The following SMARCA2 variants were observed in gnomAD, a reference collection of about 807,000 sequenced individuals.
The protein encoded by SMARCA2 is SWI/SNF related BAF chromatin remodeling complex subunit ATPase 2.
A neutral mutation model predicts 199.8 loss-of-function variants in SMARCA2; 61 were observed. That is an observed-to-expected ratio of 0.31 (90% confidence interval 0.25 to 0.38). The LOEUF (loss-of-function observed/expected upper bound fraction) is 0.38, where lower values mean the gene tolerates loss of function less well. SMARCA2 is among the 10% of genes least tolerant of loss of function. SMARCA2 has a pLI of 1.00. For synonymous variants in SMARCA2, 935 were observed against 732.0 expected, an observed-to-expected ratio of 1.28 and a Z score of -4.48; for missense variants, 1,344 against 2,012.2, an observed-to-expected ratio of 0.67 and a Z score of 6.35.
At chr9:2,085,817 T>C (rs1417897169) in intron 17 of SMARCA2, 3 of 152,272 alleles carry the variant, frequency 2.0e-5, no homozygotes, top group Non-Finnish European at 4.4e-5. Flanking sequence ...TCTGGGGACA[T>C]CTGAGCACCA....
chr9:2,161,570 G>T lies in SMARCA2; in HGVS notation c.3982-116G>T, dbSNP rs1825676204. 14 of 693,678 alleles carry T rather than the reference G, an allele frequency of 2.0e-5. No homozygotes were observed. The highest frequency in any genetic ancestry group is 2.7e-5 in the East Asian group (1 of 36,604). The allele number at this position is 693,678 out of a possible 1,614,324, so 43.0% of individuals were successfully genotyped here. A position where few individuals can be genotyped will look rare whatever the true frequency, so the allele number is the denominator to read the frequency against. ...TTACTGTTAACTTTTACTTTTTTTT[G>T]GTTAATTTCTTTCATTTTATTCTAA... On this transcript the variant is annotated intron_variant, in intron 27 of 33. Coordinates refer to ENST00000349721, the MANE Select transcript of SMARCA2 (RefSeq NM_003070.5). This position sits in a 1 kb window ranked among gnomAD's most constrained non-coding sequence, Gnocchi z 4.7.
chr9:2,140,177 T>A (rs1824396331), intron 27 of SMARCA2, among the ~76,000 whole-genome samples: 1 of 152,242 alleles, frequency 6.6e-6, no homozygotes, highest in African/African-American at 2.4e-5. Flanking sequence ...TCTGGTCCCA[T>A]TTTAAATCCC....
chr9:2,083,753 G>A (rs919313328), intron 16 of SMARCA2, among the ~76,000 whole-genome samples: 8 of 152,230 alleles, frequency 5.3e-5, no homozygotes, highest in Non-Finnish European at 7.3e-5. Context: ...GCAATTACCC[G>A]GATGCCCGGG....
At position 2,072,784 on chromosome 9, in the gene SMARCA2, G is replaced by C. The variant is rs79660672; in HGVS notation, c.1747-428G>C. Reference sequence around the variant, plus strand: ...GGGTTTCTGAAGAACCTGACTCAGGGCTATCCCCAATATTATGCTCTACAA... The same window carrying C: ...GGGTTTCTGAAGAACCTGACTCAGGCCTATCCCCAATATTATGCTCTACAA... On this transcript the variant is annotated intron_variant, in intron 10 of 33. Transcript: ENST00000349721. Among the ~76,000 whole-genome samples the C allele has an allele frequency of 7.2e-3, 1,093 of 152,328 alleles. 14 individuals carry two copies. Among genetic ancestry groups the C allele is most frequent in the African/African-American group, 0.025 (1,036 of 41,574 alleles).
At chr9:2,124,337 T>G (rs752755055) in intron 27 of SMARCA2, among the ~76,000 whole-genome samples, 8 of 152,190 alleles carry the variant, frequency 5.3e-5, no homozygotes, top group Non-Finnish European at 1.2e-4. Flanking sequence ...TCCCCCTCAT[T>G]TCATGGTCTT....
chr9:2,076,788 C>T (rs891668956), intron 13 of SMARCA2, among the ~76,000 whole-genome samples: 1 of 152,062 alleles, frequency 6.6e-6, no homozygotes, highest in South Asian at 2.1e-4. Flanking sequence ...CCAAGTTGAC[C>T]ACCAACTCTC....
In SMARCA2 at chr9:2,192,931, GTA is replaced by G. The variant is rs1827992571; in HGVS notation, c.*193_*194del. The G allele has an allele frequency of 3.7e-6, 2 of 536,260 alleles. No homozygotes were observed. The highest frequency in any genetic ancestry group is 3.6e-5 in the Admixed American group (1 of 27,652). 33.2% of individuals were successfully genotyped at this position (536,260 alleles called of 1,614,324 possible). A position where few individuals can be genotyped will look rare whatever the true frequency, so the allele number is the denominator to read the frequency against. On this transcript the variant is annotated 3_prime_UTR_variant, in exon 34 of 34. Transcript: ENST00000349721. ...AAAACACACACATACACAAATATTTGTAACATATTGTGACCAAATGGGCCTCA... is the reference window on the plus strand; with the variant it reads ...AAAACACACACATACACAAATATTTGACATATTGTGACCAAATGGGCCTCA...
chr9:2,083,281 A>G, intron 15 of SMARCA2, 66 bp from the exon 16 acceptor site: 1 of 1,053,070 alleles, frequency 9.5e-7, no homozygotes, highest in Non-Finnish European at 1.4e-6. Context: ...GAATAAGAAC[A>G]TCTTTTTAAC....
intron 27 of SMARCA2, among the ~76,000 whole-genome samples, chr9:2,133,769 G>GGT (rs1824068852): frequency 6.6e-6 from 1 of 152,116 alleles, no homozygotes; most frequent in African/African-American, 2.4e-5. Flanking sequence ...GACAGGGCAG[G>GGT]GTGGCCTCAT....
chr9:2,047,910 GGGTATACC>G (rs1436557050), intron 5 of SMARCA2: 8 of 152,508 alleles, frequency 5.2e-5, no homozygotes, highest in African/African-American at 1.9e-4. Context: ...CCAGCCTTAT[GGGTATACC>G]CTGTGCGAGT....
chr9:2,176,057 T>C (rs1230724338), intron 29 of SMARCA2, among the ~76,000 whole-genome samples: 1 of 152,012 alleles, frequency 6.6e-6, no homozygotes, highest in Non-Finnish European at 1.5e-5. Context: ...ATTTTTTTAT[T>C]TTTGGTAAAG....
At chr9:2,080,517 T>C (rs1289623974) in intron 14 of SMARCA2, among the ~76,000 whole-genome samples, 1 of 152,248 alleles carries the variant, frequency 6.6e-6, no homozygotes, top group Non-Finnish European at 1.5e-5. Context: ...TTTCTAAAGC[T>C]CTAGTGGTTT....
intron 31 of SMARCA2, 42 bp from the exon 32 acceptor site, chr9:2,186,054 A>C (rs1237405263): frequency 6.3e-7 from 1 of 1,598,554 alleles, no homozygotes; most frequent in East Asian, 2.2e-5. Context: ...TGCCATGGTA[A>C]CTCAGCTTGC....
chr9:2,072,134 C>T (rs1318414911), intron 10 of SMARCA2: 1 of 152,178 alleles, frequency 6.6e-6, no homozygotes, highest in Non-Finnish European at 1.5e-5. Flanking sequence ...TAAACGATAG[C>T]ATACTGTAGG....
intron 31 of SMARCA2, among the ~76,000 whole-genome samples, chr9:2,183,697 T>C (rs1827220128): frequency 6.6e-6 from 1 of 152,186 alleles, no homozygotes; most frequent in South Asian, 2.1e-4. Flanking sequence ...AAGTTAATAG[T>C]AGTAGTATCT....
intron 27 of SMARCA2, among the ~76,000 whole-genome samples, chr9:2,144,732 C>T (rs1490042125): frequency 6.6e-6 from 1 of 152,148 alleles, no homozygotes; most frequent in African/African-American, 2.4e-5. Flanking sequence ...ATGTCCCCTC[C>T]AGGGGGGCAG....
Position 2,054,627 on chromosome 9 carries a change from A to G in SMARCA2, c.1077A>G (p.Gln359=), listed in dbSNP as rs765208658. The G allele has an allele frequency of 6.2e-7, 1 of 1,614,130 alleles. No individual in the cohort carries two copies. Among genetic ancestry groups the G allele is most frequent in the Non-Finnish European group, 8.5e-7 (1 of 1,179,984 alleles). Residue 359 remains glutamine, a synonymous_variant, in exon 6 of 34, where the codon CAA becomes CAG. Coordinates refer to ENST00000349721, the MANE Select transcript of SMARCA2 (RefSeq NM_003070.5). ...AGGCCCGCATAGCTCATAGGATACA[A>G]GAACTGGAAAATCTGCCTGGCTCTT... ...RLQARIAHRI[Q]ELENLPGSLP...
rs560477551 is a variant in SMARCA2, at chr9:2,171,176, G to A, written c.4253+704G>A. The stretch of plus-strand genomic sequence containing the variant: ...CTGGAGAGATGGATGTGCATGATAC[G>A]CCAAGGCTAGGAGCTCTTATTAATA... On this transcript the variant is annotated intron_variant, in intron 29 of 33. Transcript: ENST00000349721. Among the ~76,000 whole-genome samples, 19 of 152,214 alleles carry A rather than the reference G, an allele frequency of 1.2e-4. No homozygotes were observed. In the East Asian group the frequency reaches 3.3e-3, roughly 26 times the overall value.
intron 29 of SMARCA2, among the ~76,000 whole-genome samples, chr9:2,180,940 C>G (rs989168891): frequency 2.2e-4 from 34 of 152,144 alleles, no homozygotes; most frequent in Non-Finnish European, 4.1e-4. Context: ...TCTACACACA[C>G]ACAATGGCAG....
Sources: gnomAD v4.1 joint callset for allele counts (sites outside exome capture counted in the v4.1 genomes callset) on GRCh38, gnomAD v4.1.1 for gene constraint, Gnocchi (gnomAD v3.1) non-coding constraint, MANE v1.5 for transcripts, NCBI Gene and HGNC (gene_info 2026-07-23, HGNC 2026-07-21) for gene names.